SH3BGR: variants seen among roughly 807,000 people sequenced by gnomAD.
SH3BGR encodes SH3 domain-binding glutamic acid-rich protein.
A neutral mutation model predicts 24.5 loss-of-function variants in SH3BGR; 29 were observed. The ratio of observed to expected loss-of-function variants is 1.18; its 90% CI spans 0.88 to 1.61. The LOEUF is 1.61. SH3BGR is among the 40% of genes most tolerant of loss of function. The probability of loss-of-function intolerance (pLI) is 0.00; values close to 1 mark genes in which losing one functional copy is unlikely to be tolerated. For missense variants in SH3BGR, 162 were observed against 205.8 expected (o/e 0.79, Z 1.30); for synonymous variants, 55 against 65.7 (o/e 0.84, Z 0.79).
chr21:39,486,620 G>A (rs193142479), intron 3 of SH3BGR, among the ~76,000 whole-genome samples: 253 of 152,272 alleles, frequency 1.7e-3, no homozygotes, highest in Non-Finnish European at 2.3e-3. Flanking sequence ...GATTAAAGAA[G>A]GATCAAGTTA....
At chr21:39,488,478 TG>T in intron 3 of SH3BGR, 5 of 276,224 alleles carry the variant, frequency 1.8e-5, no homozygotes, top group Non-Finnish European at 2.7e-5. Context: ...CTCCAGGTCC[TG>T]GGGGAACCTC....
intron 1 of SH3BGR, among the ~76,000 whole-genome samples, chr21:39,452,367 G>C (rs1219917134): frequency 1.3e-5 from 2 of 152,172 alleles, no homozygotes; most frequent in African/African-American, 2.4e-5. Flanking sequence ...GAGTAAGGAG[G>C]CGTGCTTGAC....
chr21:39,486,318 C>T (rs932522966), intron 3 of SH3BGR, among the ~76,000 whole-genome samples: 7 of 152,064 alleles, frequency 4.6e-5, no homozygotes, highest in Non-Finnish European at 8.8e-5. Context: ...ATAAAATCAA[C>T]CCCCCAAATT....
chr21:39,472,409 T>G (rs1395904810), intron 2 of SH3BGR, among the ~76,000 whole-genome samples: 2 of 152,186 alleles, frequency 1.3e-5, no homozygotes, highest in Admixed American at 1.3e-4. Flanking sequence ...ACAGCTCCCC[T>G]TAGGCCCCAC....
chr21:39,466,659 T>C (rs1298127123), intron 2 of SH3BGR, among the ~76,000 whole-genome samples: 1 of 152,156 alleles, frequency 6.6e-6, no homozygotes, highest in Non-Finnish European at 1.5e-5. Context: ...AGAGTGAAGA[T>C]GGGGAAAAGC....
chr21:39,462,416 G>T lies in SH3BGR; in HGVS notation c.87G>T (p.Ala29=). 1 of 1,610,704 alleles carries T rather than the reference G, an allele frequency of 6.2e-7. No homozygotes were observed. Among genetic ancestry groups the T allele is most frequent in the Non-Finnish European group, 8.5e-7 (1 of 1,179,246 alleles). The change falls in exon 2 of 7, where the codon GCG becomes GCT. Residue 29 remains alanine, a synonymous_variant. Transcript: ENST00000333634. ...AAGAAGTAGTGGGTTTTTTGGAAGC[G>T]AATAAAATCGACTTTAAGGAATTAG... ...KQQEVVGFLE[A]NKIDFKELDI... is the part of the protein sequence containing the mutation.
rs201157479 is a variant in SH3BGR, at chr21:39,446,478, A to AT, written c.-100+398dup. Among the ~76,000 whole-genome samples the AT allele has an allele frequency of 3.5e-3, 535 of 151,610 alleles. 2 individuals carry two copies. Among genetic ancestry groups the AT allele is most frequent in the African/African-American group, 0.012 (504 of 41,512 alleles). On this transcript the variant is annotated intron_variant, in intron 1 of 6. Transcript: ENST00000380631. ...ACAAGCGAGGTTGCAGGGCCAAAGC[A>AT]TATGCTCACTTTGAGGCTTTCTAAA...
chr21:39,501,794 A>C (rs955333038), intron 4 of SH3BGR, among the ~76,000 whole-genome samples: 1 of 152,262 alleles, frequency 6.6e-6, no homozygotes, highest in Non-Finnish European at 1.5e-5. Context: ...AGAAGGAGAC[A>C]AACACCACTT....
At chr21:39,514,717 G>A (rs2078752979) in intron 6 of SH3BGR, among the ~76,000 whole-genome samples, 1 of 152,128 alleles carries the variant, frequency 6.6e-6, no homozygotes, top group Non-Finnish European at 1.5e-5. Flanking sequence ...TATGAGACTG[G>A]ATTCTACCTC....
chr21:39,508,982 G>A lies in SH3BGR; in HGVS notation c.406-16G>A. 6.3e-7 allele frequency: 1 copy of A among 1,595,096 alleles called. No individual in the cohort carries two copies. Among genetic ancestry groups the A allele is most frequent in the Non-Finnish European group, 8.6e-7 (1 of 1,169,022 alleles). ...GAATTATGTTTTTTTCTTTAATTTT[G>A]ATTTATGGATGTAAGGAAGAAGAAG... is the stretch of plus-strand genomic sequence containing the variant. On this transcript the variant is annotated splice_polypyrimidine_tract_variant and intron_variant, in intron 4 of 6. Coordinates refer to ENST00000333634, the MANE Select transcript of SH3BGR (RefSeq NM_007341.3).
In SH3BGR at chr21:39,499,009, C is replaced by T. The variant is rs145757830; in HGVS notation, c.313-814C>T. ...GAAGCAAGGCACCTTCTTCACAAGG[C>T]AGCAGGAAGGAGAAGTGCTGAACGA... On this transcript the variant is annotated intron_variant, in intron 3 of 6. Coordinates refer to ENST00000333634, the MANE Select transcript of SH3BGR (RefSeq NM_007341.3). Among the ~76,000 whole-genome samples, 14 of 152,260 alleles carry T rather than the reference C, an allele frequency of 9.2e-5. No homozygotes were observed. In the East Asian group the frequency reaches 2.3e-3, roughly 25 times the overall value.
At chr21:39,463,529 C>T (rs758129803) in intron 2 of SH3BGR, among the ~76,000 whole-genome samples, 21 of 152,350 alleles carry the variant, frequency 1.4e-4, no homozygotes, top group Non-Finnish European at 1.6e-4. Context: ...CAGCGCCATG[C>T]GCCTGGGACT....
intron 2 of SH3BGR, among the ~76,000 whole-genome samples, chr21:39,468,699 A>G (rs887471377): frequency 1.3e-5 from 2 of 152,164 alleles, no homozygotes; most frequent in Admixed American, 1.3e-4. Flanking sequence ...TTGACCCCCC[A>G]ACGTGCTGGG....
chr21:39,453,423 G>A (rs528653066), intron 1 of SH3BGR, among the ~76,000 whole-genome samples: 1 of 152,220 alleles, frequency 6.6e-6, no homozygotes, highest in East Asian at 1.9e-4. Flanking sequence ...TTTTGGGGGG[G>A]AAAATGGTTT....
intron 2 of SH3BGR, among the ~76,000 whole-genome samples, chr21:39,466,761 T>A (rs552632181): frequency 6.6e-6 from 1 of 152,364 alleles, no homozygotes; most frequent in African/African-American, 2.4e-5. Flanking sequence ...TACCTCTGAC[T>A]GGGTCCCTTC....
At chr21:39,462,285 T>C (rs2077767414) in intron 1 of SH3BGR, 90 bp from the exon 2 acceptor site, 4 of 871,310 alleles carry the variant, frequency 4.6e-6, no homozygotes, top group Non-Finnish European at 7.3e-6. Context: ...ATTTGTGTTG[T>C]ATAGTATAAC....
At chr21:39,458,555 C>T (rs2077702746) in intron 1 of SH3BGR, among the ~76,000 whole-genome samples, 1 of 151,840 alleles carries the variant, frequency 6.6e-6, no homozygotes, top group African/African-American at 2.4e-5. Flanking sequence ...CCAGGCTGGT[C>T]TCAAACTCCT....
intron 3 of SH3BGR, among the ~76,000 whole-genome samples, chr21:39,493,583 G>T (rs2078341357): frequency 6.6e-6 from 1 of 152,074 alleles, no homozygotes; most frequent in African/African-American, 2.4e-5. Flanking sequence ...GTTTAGTCTT[G>T]CTTTGGCTAT....
At chr21:39,452,941 A>G (rs1165326578) in intron 1 of SH3BGR, among the ~76,000 whole-genome samples, 1 of 152,242 alleles carries the variant, frequency 6.6e-6, no homozygotes, top group African/African-American at 2.4e-5. Context: ...TATTTCGACC[A>G]GCATTTTAGC....
Sources: gnomAD v4.1 joint callset for allele counts (sites outside exome capture counted in the v4.1 genomes callset) on GRCh38, gnomAD v4.1.1 for gene constraint, MANE v1.5 for transcripts, NCBI Gene and HGNC (gene_info 2026-07-23, HGNC 2026-07-21) for gene names.